Variants in NIM1K observed in about 807,000 individuals in gnomAD.
The protein encoded by NIM1K is NIM1 serine/threonine protein kinase.
A neutral mutation model predicts 37.1 loss-of-function variants in NIM1K; 35 were observed. The observed-to-expected ratio is 0.94, with a 90% confidence interval of 0.72 to 1.25. NIM1K has a LOEUF of 1.25. NIM1K is among the 50% of genes most tolerant of loss of function. NIM1K has a pLI of 0.00. For synonymous variants in NIM1K, 234 were observed against 206.6 expected, an observed-to-expected ratio of 1.13 and a Z score of -1.14; for missense variants, 564 against 548.0, an observed-to-expected ratio of 1.03 and a Z score of -0.29.
rs553295574 is a variant in NIM1K, at chr5:43,254,594, T to C, written c.292+8527T>C. Among the ~76,000 whole-genome samples, 15 of 152,252 alleles carry C rather than the reference T, an allele frequency of 9.9e-5. No individual in the cohort carries two copies. The East Asian group carries it at 2.9e-3, about 29-fold the overall frequency. ...ACTTCTCATGAAAATCCAGGAGTGG[T>C]GGAGGAAGAAATATTCGAGGGAGCA... is the stretch of plus-strand genomic sequence containing the variant. On this transcript the variant is annotated intron_variant, in intron 2 of 3. Coordinates refer to ENST00000326035, the MANE Select transcript of NIM1K (RefSeq NM_153361.4).
Position 43,277,166 on chromosome 5 carries a change from C to A in NIM1K, c.402C>A (p.Ile134=). 1 of 1,614,130 alleles carries A rather than the reference C, an allele frequency of 6.2e-7. No individual in the cohort carries two copies. Among genetic ancestry groups the A allele is most frequent in the Non-Finnish European group, 8.5e-7 (1 of 1,180,008 alleles). Residue 134 remains isoleucine (I), a synonymous_variant, in exon 3 of 4, where the codon ATC becomes ATA. Transcript: ENST00000326035. ...AAAAGCTGCACCATCCCAACATCAT[C>A]CGCCTTTACGAAGTGGTGGAGACCC... is the stretch of plus-strand genomic sequence containing the variant. ...SMEKLHHPNI[I]RLYEVVETLS... is the part of the protein sequence containing the mutation.
intron 1 of NIM1K, among the ~76,000 whole-genome samples, chr5:43,211,589 A>T (rs1752205731): frequency 6.6e-6 from 1 of 152,194 alleles, no homozygotes; most frequent in Non-Finnish European, 1.5e-5. Context: ...CCCCAACAGG[A>T]TGTTTGTGAG....
chr5:43,249,195 G>A (rs1458647808), intron 2 of NIM1K, among the ~76,000 whole-genome samples: 4 of 151,846 alleles, frequency 2.6e-5, no homozygotes, highest in East Asian at 3.9e-4. Flanking sequence ...TCAGCTTCCC[G>A]AGTAGCTGGG....
chr5:43,277,155 C>T lies in NIM1K; in HGVS notation c.391C>T (p.Pro131Ser), dbSNP rs751708862. The change falls in exon 3 of 4, where the codon CCC (proline) becomes TCC (serine). Residue 131 changes from proline (P) to serine (S), a missense_variant. Pro to Ser is a moderately conservative substitution (Grantham distance 74, BLOSUM62 -1). Transcript: ENST00000326035. ...EISSMEKLHHPNIIRLYEVVE... is the reference protein window; with the variant it reads ...EISSMEKLHHSNIIRLYEVVE... ...CTCCAGCATGGAAAAGCTGCACCAT[C>T]CCAACATCATCCGCCTTTACGAAGT... The T allele has an allele frequency of 1.9e-6, 3 of 1,614,140 alleles. No individual in the cohort carries two copies. The highest frequency in any genetic ancestry group is 1.3e-5 in the African/African-American group (1 of 75,050).
chr5:43,240,417 T>A (rs1752683051), intron 1 of NIM1K: 1 of 151,840 alleles, frequency 6.6e-6, no homozygotes, highest in Non-Finnish European at 1.5e-5. Context: ...TAAAAAAATG[T>A]AAATCATATG....
chr5:43,213,935 C>CTT (rs1561075307), intron 1 of NIM1K, among the ~76,000 whole-genome samples: 28 of 149,734 alleles, frequency 1.9e-4, no homozygotes, highest in Non-Finnish European at 2.8e-4. Flanking sequence ...AGCTCTTTCT[C>CTT]TCTTTCTTTC....
rs144472534 is a variant in NIM1K, at chr5:43,263,147, C to T, written c.293-13910C>T. 7.3e-3 allele frequency among the ~76,000 whole-genome samples: 1,118 copies of T among 152,262 alleles called. 10 individuals are homozygous for T. Among genetic ancestry groups the T allele is most frequent in the Middle Eastern group, 0.034 (10 of 294 alleles). ...CATAAAATGAGTTAGGGAGGATTCC[C>T]TCTTTTTCTATTGATTGGAATAGTT... On this transcript the variant is annotated intron_variant, in intron 2 of 3. Transcript: ENST00000326035.
chr5:43,268,584 G>A (rs899887817), intron 2 of NIM1K, among the ~76,000 whole-genome samples: 2 of 152,140 alleles, frequency 1.3e-5, no homozygotes, highest in African/African-American at 4.8e-5. Flanking sequence ...ATCTCAAAAG[G>A]CTAATCTTAG....
At chr5:43,220,528 G>T (rs761506673) in intron 1 of NIM1K, among the ~76,000 whole-genome samples, 2 of 151,924 alleles carry the variant, frequency 1.3e-5, no homozygotes, top group Non-Finnish European at 2.9e-5. Flanking sequence ...TGATCCGCCC[G>T]CCTTGGCCTT....
intron 1 of NIM1K, among the ~76,000 whole-genome samples, chr5:43,231,093 G>T (rs1016057024): frequency 1.3e-5 from 2 of 152,148 alleles, no homozygotes; most frequent in African/African-American, 4.8e-5. Context: ...TGAGGCTGGG[G>T]GATCACTTGA....
At chr5:43,208,344 C>T (rs1223399018) in intron 1 of NIM1K, among the ~76,000 whole-genome samples, 1 of 151,958 alleles carries the variant, frequency 6.6e-6, no homozygotes, top group Non-Finnish European at 1.5e-5. Flanking sequence ...GTGGCTCATG[C>T]CTGTAATCCC....
intron 1 of NIM1K, among the ~76,000 whole-genome samples, chr5:43,220,295 T>C (rs941194480): frequency 1.4e-5 from 2 of 147,222 alleles, no homozygotes; most frequent in Admixed American, 6.8e-5. Context: ...GGGTATCTCT[T>C]TTTTTTTTTT....
intron 2 of NIM1K, among the ~76,000 whole-genome samples, chr5:43,250,054 A>G (rs1031352976): frequency 2.6e-5 from 4 of 151,538 alleles, no homozygotes; most frequent in South Asian, 2.1e-4. Flanking sequence ...GGGTTTCACC[A>G]TGTTAGCCAG....
Position 43,245,808 on chromosome 5 carries a change from G to A in NIM1K, c.33G>A (p.Leu11=). 1 of 1,611,170 alleles carries A rather than the reference G, an allele frequency of 6.2e-7. No homozygotes were observed. Among genetic ancestry groups the A allele is most frequent in the Non-Finnish European group, 8.5e-7 (1 of 1,178,180 alleles). The change falls in exon 2 of 4, where the codon CTG becomes CTA. Residue 11 remains leucine, a synonymous_variant. Coordinates refer to ENST00000326035, the MANE Select transcript of NIM1K (RefSeq NM_153361.4). MTAVYMNGGG[L]VNPHYARWDR... ...CAGTGTATATGAATGGAGGTGGCCT[G>A]GTGAACCCCCACTATGCCCGGTGGG... is the stretch of plus-strand genomic sequence containing the variant.
At chr5:43,272,806 CAGA>C (rs772123760) in intron 2 of NIM1K, among the ~76,000 whole-genome samples, 2 of 152,134 alleles carry the variant, frequency 1.3e-5, no homozygotes, top group East Asian at 3.9e-4. Context: ...GAAAAAAAAT[CAGA>C]AGGTTTGACA....
chr5:43,210,873 A>C (rs1267676989), intron 1 of NIM1K, among the ~76,000 whole-genome samples: 1 of 152,192 alleles, frequency 6.6e-6, no homozygotes, highest in Non-Finnish European at 1.5e-5. Context: ...ATGTTACAGA[A>C]AGAATGGGGA....
chr5:43,234,080 GTT>G, intron 1 of NIM1K, among the ~76,000 whole-genome samples: 1 of 152,300 alleles, frequency 6.6e-6, no homozygotes, highest in Admixed American at 6.5e-5. Context: ...ATGTTGTAAT[GTT>G]TACTTAAATA....
At chr5:43,231,598 A>T (rs1752539831) in intron 1 of NIM1K, among the ~76,000 whole-genome samples, 1 of 152,214 alleles carries the variant, frequency 6.6e-6, no homozygotes, top group Non-Finnish European at 1.5e-5. Flanking sequence ...GTTCACTTTT[A>T]AAAAACATTT....
At chr5:43,256,598 A>G (rs761346008) in intron 2 of NIM1K, among the ~76,000 whole-genome samples, 2 of 152,074 alleles carry the variant, frequency 1.3e-5, no homozygotes, top group Non-Finnish European at 2.9e-5. Flanking sequence ...GGGCCTTACC[A>G]TTTCAGTGCT....
Sources: allele counts gnomAD v4.1 joint callset (sites outside exome capture counted in the v4.1 genomes callset), GRCh38; gene constraint gnomAD v4.1.1; transcripts MANE v1.5; gene names NCBI Gene and HGNC (gene_info 2026-07-23, HGNC 2026-07-21).